The following KIF26B variants were observed in gnomAD, a reference collection of about 807,000 sequenced individuals.
KIF26B encodes the protein kinesin-like protein KIF26B.
Under a neutral mutation model 151.2 loss-of-function variants are expected in KIF26B, and 63 were observed. That is an observed-to-expected ratio of 0.42 (90% confidence interval 0.34 to 0.51). The LOEUF (loss-of-function observed/expected upper bound fraction) is 0.51, where lower values mean the gene tolerates loss of function less well. Ranked by LOEUF, KIF26B falls within the 20% of genes least tolerant of loss-of-function variation. The pLI is 0.07. For synonymous variants in KIF26B, 1,357 were observed against 1,262.1 expected, an observed-to-expected ratio of 1.08 and a Z score of -1.59; for missense variants, 2,813 against 2,913.6, an observed-to-expected ratio of 0.97 and a Z score of 0.79.
chr1:245,705,215 C>G lies in KIF26B; in HGVS notation c.*2609C>G, dbSNP rs540768072. The G allele has an allele frequency of 6.6e-6, 1 of 152,206 alleles. No individual in the cohort carries two copies. Among genetic ancestry groups the G allele is most frequent in the African/African-American group, 2.4e-5 (1 of 41,444 alleles). The allele number at this position is 152,206 out of a possible 1,614,324, so 9.4% of individuals were successfully genotyped here. A position where few individuals can be genotyped will look rare whatever the true frequency, so the allele number is the denominator to read the frequency against. On this transcript the variant is annotated 3_prime_UTR_variant, in exon 15 of 15. Coordinates refer to ENST00000407071, the MANE Select transcript of KIF26B (RefSeq NM_018012.4). ...AATCACAGAACACCTCGCAGGATCT[C>G]GCAGGCCACGGTGAAGGAGAATGCT...
intron 9 of KIF26B, among the ~76,000 whole-genome samples, chr1:245,635,641 G>C (rs1469745080): frequency 1.3e-5 from 2 of 150,962 alleles, no homozygotes; most frequent in Non-Finnish European, 3.0e-5. Context: ...TTTCCTTTCT[G>C]CTATTTTTTT....
At chr1:245,335,975 GGAAA>G in intron 2 of KIF26B, among the ~76,000 whole-genome samples, 4 of 142,250 alleles carry the variant, frequency 2.8e-5, no homozygotes, top group African/African-American at 1.1e-4. Context: ...TCCCACGCAG[GGAAA>G]GGAGGGTCCC....
intron 2 of KIF26B, among the ~76,000 whole-genome samples, chr1:245,324,817 G>A (rs1481966616): frequency 2.0e-5 from 3 of 152,034 alleles, no homozygotes; most frequent in Admixed American, 6.6e-5. Flanking sequence ...AATGGGGGCC[G>A]GGCACGGTGG....
intron 2 of KIF26B, among the ~76,000 whole-genome samples, chr1:245,162,337 C>A (rs1039747418): frequency 6.6e-6 from 1 of 150,582 alleles, no homozygotes; most frequent in Non-Finnish European, 1.5e-5. Context: ...TGCTCCCAAT[C>A]GCTCTTTTAT....
intron 3 of KIF26B, among the ~76,000 whole-genome samples, chr1:245,376,346 A>C (rs1331344566): frequency 6.6e-6 from 1 of 152,192 alleles, no homozygotes; most frequent in Non-Finnish European, 1.5e-5. Flanking sequence ...ATTCCGGAGC[A>C]GGGGAATGGG....
chr1:245,531,679 A>G (rs1183751384), intron 4 of KIF26B, among the ~76,000 whole-genome samples: 2 of 152,262 alleles, frequency 1.3e-5, no homozygotes, highest in Non-Finnish European at 2.9e-5. Flanking sequence ...TATAGAAGAA[A>G]GTAAACACAT....
At chr1:245,662,995 C>CAAA (rs2044174122) in intron 10 of KIF26B, among the ~76,000 whole-genome samples, 1 of 150,520 alleles carries the variant, frequency 6.6e-6, no homozygotes, top group South Asian at 2.1e-4. Flanking sequence ...TATTCTCTTT[C>CAAA]CCCTCTTCTA....
intron 10 of KIF26B, among the ~76,000 whole-genome samples, chr1:245,650,841 C>G (rs2044006861): frequency 6.6e-6 from 1 of 152,184 alleles, no homozygotes; most frequent in Non-Finnish European, 1.5e-5. Context: ...GATGCTTCTC[C>G]CAGTCATCTT....
chr1:245,377,942 G>A (rs1213333462), intron 3 of KIF26B, among the ~76,000 whole-genome samples: 1 of 152,176 alleles, frequency 6.6e-6, no homozygotes, highest in African/African-American at 2.4e-5. Flanking sequence ...AATGCTCAGG[G>A]ACAAAGTCAA....
At chr1:245,330,136 C>T (rs1432194509) in intron 2 of KIF26B, among the ~76,000 whole-genome samples, 3 of 151,754 alleles carry the variant, frequency 2.0e-5, no homozygotes, top group Non-Finnish European at 2.9e-5. Context: ...TGAGCAGACA[C>T]AGTCCACTGT....
At chr1:245,222,272 AC>A (rs1488613982) in intron 2 of KIF26B, among the ~76,000 whole-genome samples, 3 of 152,174 alleles carry the variant, frequency 2.0e-5, no homozygotes, top group Non-Finnish European at 4.4e-5. Context: ...CCCCGTCTCT[AC>A]TAAAAATACA....
intron 2 of KIF26B, among the ~76,000 whole-genome samples, chr1:245,303,769 C>T (rs747775400): frequency 2.0e-5 from 3 of 152,192 alleles, no homozygotes; most frequent in Non-Finnish European, 4.4e-5. Flanking sequence ...ACATAAGGCA[C>T]CCTAGCTGCA....
Position 245,704,951 on chromosome 1 carries a change from C to G in KIF26B, c.*2345C>G, listed in dbSNP as rs550103678. Reference sequence around the variant, plus strand: ...ATGAGTCATCGATGAGTTTGGCTTTCGCCCCTGCCACATCCTCCCCTGAGG... The same window carrying G: ...ATGAGTCATCGATGAGTTTGGCTTTGGCCCCTGCCACATCCTCCCCTGAGG... On this transcript the variant is annotated 3_prime_UTR_variant, in exon 15 of 15. Coordinates refer to ENST00000407071, the MANE Select transcript of KIF26B (RefSeq NM_018012.4). 2 of 152,206 alleles carry G rather than the reference C, an allele frequency of 1.3e-5. No individual in the cohort carries two copies. Among genetic ancestry groups the G allele is most frequent in the African/African-American group, 2.4e-5 (1 of 41,446 alleles). The allele number at this position is 152,206 out of a possible 1,614,324, so 9.4% of individuals were successfully genotyped here.
chr1:245,628,352 G>T (rs1467833598), intron 9 of KIF26B, among the ~76,000 whole-genome samples: 1 of 152,188 alleles, frequency 6.6e-6, no homozygotes, highest in Non-Finnish European at 1.5e-5. Context: ...ATGGTGGCGG[G>T]TGCCTGTAAT....
At chr1:245,293,307 A>G (rs986086453) in intron 2 of KIF26B, among the ~76,000 whole-genome samples, 1 of 152,142 alleles carries the variant, frequency 6.6e-6, no homozygotes, top group South Asian at 2.1e-4. Context: ...GATTGACACT[A>G]TGCTGCAGGA....
chr1:245,508,683 AGTGT>A (rs1660772880), intron 4 of KIF26B, among the ~76,000 whole-genome samples: 1 of 152,106 alleles, frequency 6.6e-6, no homozygotes, highest in African/African-American at 2.4e-5. Flanking sequence ...CAGAAGAGTG[AGTGT>A]AAGTTCGCTC....
intron 3 of KIF26B, among the ~76,000 whole-genome samples, chr1:245,418,964 C>A (rs973491335): frequency 3.9e-5 from 6 of 152,128 alleles, no homozygotes; most frequent in Non-Finnish European, 5.9e-5. Context: ...CTTAATGAAC[C>A]AGCAGGAAAA....
chr1:245,342,775 A>C (rs1672361220), intron 2 of KIF26B, among the ~76,000 whole-genome samples: 1 of 152,110 alleles, frequency 6.6e-6, no homozygotes, highest in African/African-American at 2.4e-5. Context: ...GATTTGGAGA[A>C]GAGTCAGAGA....
In KIF26B at chr1:245,346,470, A is replaced by G. The variant is rs545928362; in HGVS notation, c.466-20364A>G. On this transcript the variant is annotated intron_variant, in intron 2 of 14. Coordinates refer to ENST00000407071, the MANE Select transcript of KIF26B (RefSeq NM_018012.4). ...CACCAGATCATTGTTGCAGTCATCT[A>G]TTCATCTCTGATCCATGCCACCTTG... 1.2e-4 allele frequency among the ~76,000 whole-genome samples: 19 copies of G among 152,110 alleles called. No homozygotes were observed. The South Asian group carries it at 3.5e-3, about 28-fold the overall frequency.
Sources: allele counts gnomAD v4.1 joint callset (sites outside exome capture counted in the v4.1 genomes callset), GRCh38; gene constraint gnomAD v4.1.1; transcripts MANE v1.5; gene names NCBI Gene and HGNC (gene_info 2026-07-23, HGNC 2026-07-21).